Variants in TTC33 observed in about 807,000 individuals in gnomAD.
The protein encoded by TTC33 is tetratricopeptide repeat protein 33.
In TTC33, 24 loss-of-function variants were observed where a neutral mutation model predicts 29.4. The observed-to-expected ratio is 0.82, with a 90% CI of 0.59 to 1.15. The LOEUF is 1.15. Among genes scored for constraint, TTC33 ranks in the 50% most tolerant of loss-of-function variants. The pLI is 0.00. For missense variants in TTC33, 286 were observed against 310.4 expected, an observed-to-expected ratio of 0.92 and a Z score of 0.59; for synonymous variants, 107 against 100.3, an observed-to-expected ratio of 1.07 and a Z score of -0.40.
rs1202161274 is a variant in TTC33, at chr5:40,723,665, G to A, written c.435+4680C>T. Among the ~76,000 whole-genome samples, 9 of 152,154 alleles carry A rather than the reference G, an allele frequency of 5.9e-5. 1 individual carries two copies. In the South Asian group the frequency reaches 8.3e-4, roughly 14 times the overall value. ...GGATCACCTGAGACCAGGAGTTCAA[G>A]ACCAGCCTGGCCAACATGGCAAAAC... On this transcript the variant is annotated intron_variant, in intron 4 of 4. Transcript: ENST00000337702.
At chr5:40,753,372 A>AAAAGAAAG (rs200588087) in intron 1 of TTC33, among the ~76,000 whole-genome samples, 2,723 of 151,298 alleles carry the variant, frequency 0.018, 35 homozygotes, top group Non-Finnish European at 0.026. Context: ...CTCAAAAAAA[A>AAAAGAAAG]AAAGAAAGAA....
intron 2 of TTC33, among the ~76,000 whole-genome samples, chr5:40,739,762 GT>G (rs1420888437): frequency 6.6e-6 from 1 of 152,170 alleles, no homozygotes; most frequent in East Asian, 1.9e-4. Flanking sequence ...GTCTCAGGTA[GT>G]TGTTTATAGC....
chr5:40,732,661 T>C (rs1199017842), intron 2 of TTC33, among the ~76,000 whole-genome samples: 2 of 151,842 alleles, frequency 1.3e-5, no homozygotes, highest in Non-Finnish European at 2.9e-5. Flanking sequence ...GTACATGGAG[T>C]ACAGTGGCAT....
chr5:40,735,866 T>C (rs1742538253), intron 2 of TTC33, among the ~76,000 whole-genome samples: 1 of 152,154 alleles, frequency 6.6e-6, no homozygotes, highest in Admixed American at 6.6e-5. Context: ...TGATAACCTT[T>C]ACAAAAGCAG....
intron 2 of TTC33, among the ~76,000 whole-genome samples, chr5:40,738,483 ACAATAC>A (rs1480728190): frequency 1.8e-4 from 25 of 138,590 alleles, no homozygotes; most frequent in Non-Finnish European, 3.6e-4. Flanking sequence ...ACAATACAAT[ACAATAC>A]AATACAATAC....
chr5:40,716,342 G>C lies in TTC33; in HGVS notation c.592C>G (p.Pro198Ala). The change falls in exon 5 of 5, where the codon CCA (proline) becomes GCA (alanine). Residue 198 changes from proline (P) to alanine (A), a missense_variant. Physicochemically the swap from Pro to Ala is conservative, Grantham distance 27. Coordinates refer to ENST00000337702, the MANE Select transcript of TTC33 (RefSeq NM_012382.3). ...EAPAEVTHFS[P>A]KSIPDYDFES... Reference sequence around the variant, plus strand: ...AAGTCATAGTCTGGAATTGACTTTGGTGAAAAGTGTGTTACTTCAGCTGGT... The same window carrying C: ...AAGTCATAGTCTGGAATTGACTTTGCTGAAAAGTGTGTTACTTCAGCTGGT... 2 of 1,614,156 alleles carry C rather than the reference G, an allele frequency of 1.2e-6. No homozygotes were observed. Among genetic ancestry groups the C allele is most frequent in the African/African-American group, 2.7e-5 (2 of 75,026 alleles).
chr5:40,721,263 C>A (rs994773249), intron 4 of TTC33, among the ~76,000 whole-genome samples: 1 of 152,098 alleles, frequency 6.6e-6, no homozygotes, highest in Non-Finnish European at 1.5e-5. Flanking sequence ...TTGCTATCAC[C>A]CCTTCCCTGA....
intron 1 of TTC33, among the ~76,000 whole-genome samples, chr5:40,749,363 T>G (rs1216152565): frequency 6.6e-6 from 1 of 152,220 alleles, no homozygotes; most frequent in South Asian, 2.1e-4. Context: ...TTTTGGAGAA[T>G]AGTGTTTAAG....
At chr5:40,749,788 C>G (rs1261307147) in intron 1 of TTC33, among the ~76,000 whole-genome samples, 1 of 152,118 alleles carries the variant, frequency 6.6e-6, no homozygotes, top group Non-Finnish European at 1.5e-5. Context: ...AGCATCATAT[C>G]TTTAAAAATG....
At chr5:40,741,324 C>G (rs908136491) in intron 2 of TTC33, among the ~76,000 whole-genome samples, 2 of 152,200 alleles carry the variant, frequency 1.3e-5, no homozygotes, top group African/African-American at 4.8e-5. Context: ...CCCCCTGTGA[C>G]TCCAGTAAAT....
At position 40,716,018 on chromosome 5, in the gene TTC33, T is replaced by C; in HGVS notation, c.*127A>G. ...TAATCCTGCCATTTTAGTTTTTATA[T>C]GCCTCATCTGAAAAACATATTTTAC... On this transcript the variant is annotated 3_prime_UTR_variant, in exon 5 of 5. Coordinates refer to ENST00000337702, the MANE Select transcript of TTC33 (RefSeq NM_012382.3). 1 of 720,646 alleles carries C rather than the reference T, an allele frequency of 1.4e-6. No individual in the cohort carries two copies. The allele number at this position is 720,646 out of a possible 1,614,324, so 44.6% of individuals were successfully genotyped here. A position where few individuals can be genotyped will look rare whatever the true frequency, so the allele number is the denominator to read the frequency against.
chr5:40,754,230 A>T (rs1742945596), intron 1 of TTC33, among the ~76,000 whole-genome samples: 1 of 152,192 alleles, frequency 6.6e-6, no homozygotes, highest in South Asian at 2.1e-4. Context: ...AGGTCAGGAC[A>T]GACTGAGGTT....
chr5:40,722,160 G>T (rs62356508), intron 4 of TTC33, among the ~76,000 whole-genome samples: 51,912 of 151,788 alleles, frequency 0.34, 9,941 homozygotes, highest in Admixed American at 0.45. Flanking sequence ...AGCCGAGATC[G>T]CACCATGTCA....
intron 1 of TTC33, among the ~76,000 whole-genome samples, chr5:40,748,476 G>T (rs1377132586): frequency 6.6e-6 from 1 of 152,166 alleles, no homozygotes; most frequent in African/African-American, 2.4e-5. Context: ...GATTACAGGC[G>T]TGAGCCACCG....
intron 2 of TTC33, 85 bp from the exon 3 acceptor site, chr5:40,730,428 A>G: frequency 9.4e-7 from 1 of 1,067,486 alleles, no homozygotes; most frequent in Non-Finnish European, 1.4e-6. Context: ...GTAGTAAAAT[A>G]TAAAATTTAC....
Position 40,746,890 on chromosome 5 carries a change from G to A in TTC33, c.129C>T (p.Ala43=), listed in dbSNP as rs535942915. The A allele has an allele frequency of 2.5e-6, 4 of 1,613,992 alleles. No homozygotes were observed. The African/African-American group carries it at 4.0e-5, about 16-fold the overall frequency. ...GAAGAATTTCTTTCCTACGTTTAAT[G>A]GCATGAAGCCAGTTCCCTTCATCGT... is the stretch of plus-strand genomic sequence containing the variant. ...VDNDEGNWLH[A]IKRRKEILLE... is the part of the protein sequence containing the mutation. Residue 43 remains alanine, a synonymous_variant, in exon 2 of 5, where the codon GCC becomes GCT. Coordinates refer to ENST00000337702, the MANE Select transcript of TTC33 (RefSeq NM_012382.3).
intron 2 of TTC33, among the ~76,000 whole-genome samples, chr5:40,745,301 T>C (rs577621307): frequency 7.2e-5 from 8 of 111,336 alleles, no homozygotes; most frequent in African/African-American, 2.9e-4. Context: ...ATAAAAGATA[T>C]GTTAGGTAAG....
At chr5:40,726,145 A>T (rs369940) in intron 4 of TTC33, among the ~76,000 whole-genome samples, 98,867 of 149,158 alleles carry the variant, frequency 0.66, 32,848 homozygotes, top group East Asian at 0.77. Flanking sequence ...AAAGTCTTTT[A>T]TATATATATA....
intron 4 of TTC33, among the ~76,000 whole-genome samples, chr5:40,727,630 G>T (rs1742317717): frequency 6.6e-6 from 1 of 152,208 alleles, no homozygotes; most frequent in Admixed American, 6.5e-5. Context: ...ATATTCTACT[G>T]TCTTCCTTCC....
Sources: allele counts gnomAD v4.1 joint callset (sites outside exome capture counted in the v4.1 genomes callset), GRCh38; gene constraint gnomAD v4.1.1; transcripts MANE v1.5; gene names NCBI Gene and HGNC (gene_info 2026-07-23, HGNC 2026-07-21).